Variants in CSMD1 observed in about 807,000 individuals in gnomAD.
The protein encoded by CSMD1 is CUB and sushi domain-containing protein 1.
In CSMD1, 213 loss-of-function variants were observed where a neutral mutation model predicts 417.5. The ratio of observed to expected loss-of-function variants is 0.51; its 90% CI spans 0.46 to 0.57. The LOEUF (loss-of-function observed/expected upper bound fraction) is 0.57, where lower values mean the gene tolerates loss of function less well. Ranked by LOEUF, CSMD1 falls within the 20% of genes least tolerant of loss-of-function variation. The pLI is 0.00. For synonymous variants in CSMD1, 2,862 were observed against 1,736.8 expected (o/e 1.65, Z -16.11); for missense variants, 6,923 against 4,529.7 (o/e 1.53, Z -15.17).
intron 2 of CSMD1, among the ~76,000 whole-genome samples, chr8:4,443,113 T>G (rs1798577875): frequency 6.6e-6 from 1 of 152,178 alleles, no homozygotes; most frequent in Non-Finnish European, 1.5e-5. Context: ...AAAAGGGCTG[T>G]AAAAAGTGGT....
At chr8:4,543,401 C>A (rs3990907) in intron 2 of CSMD1, among the ~76,000 whole-genome samples, 5,558 of 152,174 alleles carry the variant, frequency 0.037, 151 homozygotes, top group Non-Finnish European at 0.058. Flanking sequence ...CAGTTTGTAG[C>A]CTTTTCAGAT....
chr8:3,842,653 A>G (rs553558712), intron 5 of CSMD1, among the ~76,000 whole-genome samples: 24 of 152,294 alleles, frequency 1.6e-4, no homozygotes, highest in Admixed American at 3.9e-4. Flanking sequence ...TAGAACACTC[A>G]TAAATTATGT....
chr8:3,075,769 C>G (rs572827735), intron 49 of CSMD1, among the ~76,000 whole-genome samples: 1 of 149,892 alleles, frequency 6.7e-6, no homozygotes. Context: ...TGGCTGGGCG[C>G]GGTGGCTCAT....
intron 3 of CSMD1, among the ~76,000 whole-genome samples, chr8:4,198,453 A>C (rs1433353678): frequency 6.6e-6 from 1 of 152,204 alleles, no homozygotes; most frequent in African/African-American, 2.4e-5. Flanking sequence ...GTTAGGTAAA[A>C]TATGGATTTG....
chr8:3,024,160 A>G (rs944679851), intron 51 of CSMD1, among the ~76,000 whole-genome samples: 1 of 151,970 alleles, frequency 6.6e-6, no homozygotes, highest in African/African-American at 2.4e-5. Flanking sequence ...TGTGTGTGCA[A>G]AGTAGGAAAC....
At chr8:4,293,023 G>C (rs1468161235) in intron 3 of CSMD1, among the ~76,000 whole-genome samples, 1 of 152,218 alleles carries the variant, frequency 6.6e-6, no homozygotes, top group East Asian at 1.9e-4. Flanking sequence ...GAGGGAAAGT[G>C]TGGTTATGGC....
At chr8:4,106,218 G>A (rs751840845) in intron 3 of CSMD1, among the ~76,000 whole-genome samples, 1 of 152,152 alleles carries the variant, frequency 6.6e-6, no homozygotes, top group African/African-American at 2.4e-5. Flanking sequence ...TCCAGCATTG[G>A]GTCAGGGAGT....
At chr8:3,458,505 G>C (rs1049738808) in intron 12 of CSMD1, among the ~76,000 whole-genome samples, 2 of 152,150 alleles carry the variant, frequency 1.3e-5, no homozygotes, top group Non-Finnish European at 2.9e-5. Flanking sequence ...AAAAAAGGGT[G>C]ATGACTGGAA....
At chr8:3,568,288 C>G (rs1799801093) in intron 10 of CSMD1, among the ~76,000 whole-genome samples, 1 of 152,110 alleles carries the variant, frequency 6.6e-6, no homozygotes, top group Non-Finnish European at 1.5e-5. Context: ...CCTGTCAGAT[C>G]CATGTGTGCT....
At chr8:4,982,328 T>C (rs982915071) in intron 1 of CSMD1, among the ~76,000 whole-genome samples, 2 of 152,232 alleles carry the variant, frequency 1.3e-5, no homozygotes, top group African/African-American at 2.4e-5. Context: ...TGTCCTTCTA[T>C]GTAGCTCTGT....
intron 3 of CSMD1, among the ~76,000 whole-genome samples, chr8:4,395,035 C>T (rs1487697415): frequency 6.6e-6 from 1 of 152,130 alleles, no homozygotes; most frequent in African/African-American, 2.4e-5. Context: ...GTGGCATATC[C>T]CATATCCCTT....
chr8:3,646,205 A>G (rs951721955), intron 7 of CSMD1, among the ~76,000 whole-genome samples: 1 of 152,168 alleles, frequency 6.6e-6, no homozygotes, highest in African/African-American at 2.4e-5. Flanking sequence ...ATTTTATCAT[A>G]TTTGAATAAA....
intron 3 of CSMD1, among the ~76,000 whole-genome samples, chr8:4,086,082 A>G (rs1800404321): frequency 6.6e-6 from 1 of 152,186 alleles, no homozygotes; most frequent in Admixed American, 6.5e-5. Flanking sequence ...TTTTTTCCAT[A>G]TTTAATCTCA....
intron 12 of CSMD1, among the ~76,000 whole-genome samples, chr8:3,462,133 C>T (rs907587997): frequency 2.0e-5 from 3 of 147,308 alleles, no homozygotes; most frequent in African/African-American, 7.6e-5. Context: ...CCCCCCCCCC[C>T]ACCTCCCAGC....
chr8:3,930,893 A>C (rs1471338978), intron 5 of CSMD1, among the ~76,000 whole-genome samples: 1 of 150,566 alleles, frequency 6.6e-6, no homozygotes, highest in Non-Finnish European at 1.5e-5. Context: ...AAACCTAACA[A>C]ATGTCACAGA....
intron 8 of CSMD1, among the ~76,000 whole-genome samples, chr8:3,605,915 T>A (rs1022463866): frequency 4.6e-5 from 7 of 152,174 alleles, no homozygotes; most frequent in African/African-American, 1.7e-4. Context: ...TGTCCATATA[T>A]CCCTAGAGAC....
intron 10 of CSMD1, among the ~76,000 whole-genome samples, chr8:3,511,192 G>A (rs568775142): frequency 1.3e-5 from 2 of 151,672 alleles, no homozygotes; most frequent in South Asian, 2.1e-4. Flanking sequence ...AGGACACAAG[G>A]GCACAGGAAG....
chr8:2,949,885 G>A (rs930306187), intron 67 of CSMD1, among the ~76,000 whole-genome samples: 12 of 152,052 alleles, frequency 7.9e-5, no homozygotes, highest in Non-Finnish European at 1.2e-4. Context: ...CTTTTAGAAC[G>A]AGCAGCGTGG....
chr8:3,002,992 C>T (rs1160018197), intron 52 of CSMD1, among the ~76,000 whole-genome samples: 1 of 152,198 alleles, frequency 6.6e-6, no homozygotes, highest in Non-Finnish European at 1.5e-5. Context: ...CTTCCTAATA[C>T]AGAACAATTA....
Sources: gnomAD v4.1 joint callset for allele counts (sites outside exome capture counted in the v4.1 genomes callset) on GRCh38, gnomAD v4.1.1 for gene constraint, MANE v1.5 for transcripts, NCBI Gene and HGNC (gene_info 2026-07-23, HGNC 2026-07-21) for gene names.